CCSER1: variants seen among roughly 807,000 people sequenced by gnomAD.
CCSER1 encodes coiled-coil serine rich protein 1.
In CCSER1, 41 loss-of-function variants were observed where a neutral mutation model predicts 82.0. The observed-to-expected ratio is 0.50, with a 90% CI of 0.39 to 0.65. The LOEUF (loss-of-function observed/expected upper bound fraction) is 0.65, where lower values mean the gene tolerates loss of function less well. Ranked by LOEUF, CCSER1 falls within the 30% of genes least tolerant of loss-of-function variation. The pLI is 0.00. For missense variants in CCSER1, 1,119 were observed against 1,064.2 expected, an observed-to-expected ratio of 1.05 and a Z score of -0.72; for synonymous variants, 414 against 383.9, an observed-to-expected ratio of 1.08 and a Z score of -0.92.
At chr4:91,294,912 C>T (rs919491297) in intron 10 of CCSER1, among the ~76,000 whole-genome samples, 2 of 151,906 alleles carry the variant, frequency 1.3e-5, no homozygotes, top group African/African-American at 4.8e-5. Context: ...AGTACAATGC[C>T]AGAGTCAGAA....
intron 10 of CCSER1, among the ~76,000 whole-genome samples, chr4:91,298,855 A>T (rs1560574819): frequency 6.6e-6 from 1 of 151,966 alleles, no homozygotes; most frequent in East Asian, 1.9e-4. Context: ...GTAATAGCTG[A>T]CTACATAGTT....
intron 10 of CCSER1, among the ~76,000 whole-genome samples, chr4:91,463,404 G>A (rs1306277361): frequency 3.9e-5 from 6 of 152,028 alleles, no homozygotes; most frequent in Admixed American, 3.9e-4. Context: ...ACAAAGATGG[G>A]GAAAAAACAG....
chr4:91,596,340 G>A (rs950544656), intron 10 of CCSER1, among the ~76,000 whole-genome samples: 1 of 151,984 alleles, frequency 6.6e-6, no homozygotes, highest in Non-Finnish European at 1.5e-5. Flanking sequence ...GGCAGCATCT[G>A]TTGAAATAGA....
intron 10 of CCSER1, among the ~76,000 whole-genome samples, chr4:91,262,434 T>C (rs939099611): frequency 1.3e-5 from 2 of 152,052 alleles, no homozygotes; most frequent in Non-Finnish European, 2.9e-5. Context: ...TTAACTGAGT[T>C]GCCCATAGCT....
At position 90,619,933 on chromosome 4, in the gene CCSER1, A is replaced by G. The variant is rs142302660; in HGVS notation, c.1725-8092A>G. ...AAAATGGGAGAGAAAAATACTCATG[A>G]CATTAATGGCATGGAGAAAAGGTAC... On this transcript the variant is annotated intron_variant, in intron 5 of 10. Transcript: ENST00000509176. 2.6e-5 allele frequency among the ~76,000 whole-genome samples: 4 copies of G among 152,234 alleles called. No individual in the cohort carries two copies. In the East Asian group the frequency reaches 7.7e-4, roughly 29 times the overall value.
chr4:90,408,088 G>T (rs1754030142), intron 4 of CCSER1, among the ~76,000 whole-genome samples: 1 of 152,194 alleles, frequency 6.6e-6, no homozygotes, highest in Admixed American at 6.5e-5. Context: ...GGCTGGGGGA[G>T]GGGCACCCGC....
intron 10 of CCSER1, among the ~76,000 whole-genome samples, chr4:91,148,812 A>G (rs1290539020): frequency 6.6e-6 from 1 of 152,068 alleles, no homozygotes; most frequent in East Asian, 1.9e-4. Context: ...AAGGACATGA[A>G]CTCATCCTTT....
chr4:90,746,718 A>G (rs1253532555), intron 7 of CCSER1, among the ~76,000 whole-genome samples: 1 of 152,164 alleles, frequency 6.6e-6, no homozygotes, highest in Non-Finnish European at 1.5e-5. Flanking sequence ...GTTTATAAAT[A>G]TTATCTTTTT....
At chr4:90,741,740 AGTT>A (rs1746594776) in intron 7 of CCSER1, among the ~76,000 whole-genome samples, 1 of 152,214 alleles carries the variant, frequency 6.6e-6, no homozygotes, top group Non-Finnish European at 1.5e-5. Context: ...TAAAATAAGA[AGTT>A]AGTAACCCAG....
intron 5 of CCSER1, among the ~76,000 whole-genome samples, chr4:90,478,417 T>C (rs1320468617): frequency 1.3e-5 from 2 of 152,192 alleles, no homozygotes; most frequent in Non-Finnish European, 2.9e-5. Flanking sequence ...TTTGAAATAT[T>C]GTGTGTGTAG....
intron 1 of CCSER1, among the ~76,000 whole-genome samples, chr4:90,168,980 A>T (rs1369161333): frequency 2.0e-5 from 3 of 151,994 alleles, no homozygotes; most frequent in African/African-American, 7.2e-5. Context: ...GTTCCATATG[A>T]ACTTTAAAGT....
intron 5 of CCSER1, among the ~76,000 whole-genome samples, chr4:90,538,829 A>G (rs1250259190): frequency 2.0e-5 from 3 of 152,116 alleles, no homozygotes; most frequent in Non-Finnish European, 4.4e-5. Flanking sequence ...TGAGAAATAT[A>G]ATGGTGAGGA....
intron 6 of CCSER1, among the ~76,000 whole-genome samples, chr4:90,645,830 A>T (rs540011737): frequency 2.0e-5 from 3 of 152,206 alleles, no homozygotes; most frequent in Non-Finnish European, 4.4e-5. Flanking sequence ...TTATTGAGAA[A>T]CATATCTATT....
chr4:91,275,303 TTTTG>T (rs142768247), intron 10 of CCSER1, among the ~76,000 whole-genome samples: 20,656 of 151,848 alleles, frequency 0.14, 1,513 homozygotes, highest in East Asian at 0.22. Flanking sequence ...ATCTGTTTTT[TTTTG>T]TTTGTTTTTG....
At chr4:90,588,460 T>C (rs1048352928) in intron 5 of CCSER1, among the ~76,000 whole-genome samples, 3 of 152,202 alleles carry the variant, frequency 2.0e-5, no homozygotes, top group Admixed American at 2.0e-4. Context: ...CAAATTTTGT[T>C]ATGAGTTTGC....
chr4:91,400,963 C>A (rs1353588011), intron 10 of CCSER1, among the ~76,000 whole-genome samples: 1 of 151,844 alleles, frequency 6.6e-6, no homozygotes, highest in East Asian at 1.9e-4. Flanking sequence ...ATTTGATACA[C>A]TTGTGGAATA....
chr4:91,499,841 C>T (rs183834912), intron 10 of CCSER1, among the ~76,000 whole-genome samples: 1 of 151,972 alleles, frequency 6.6e-6, no homozygotes, highest in East Asian at 1.9e-4. Context: ...AATAATGTTC[C>T]CTTTCTGGAT....
intron 6 of CCSER1, among the ~76,000 whole-genome samples, chr4:90,690,543 C>T (rs1477678635): frequency 6.6e-6 from 1 of 152,064 alleles, no homozygotes; most frequent in African/African-American, 2.4e-5. Context: ...TATTGTCCTG[C>T]ATGTCAAATA....
intron 1 of CCSER1, among the ~76,000 whole-genome samples, chr4:90,304,854 A>G (rs951570990): frequency 5.9e-5 from 9 of 152,050 alleles, no homozygotes; most frequent in Non-Finnish European, 1.2e-4. Flanking sequence ...CATTAGTTGA[A>G]TCCTTTGAAT....
Sources: allele counts gnomAD v4.1 joint callset (sites outside exome capture counted in the v4.1 genomes callset), GRCh38; gene constraint gnomAD v4.1.1; transcripts MANE v1.5; gene names NCBI Gene and HGNC (gene_info 2026-07-23, HGNC 2026-07-21).